The following DOCK9 variants were observed in gnomAD, a reference collection of about 807,000 sequenced individuals.
The protein encoded by DOCK9 is dedicator of cytokinesis 9, also known as dedicator of cytokinesis protein 9.
Under a neutral mutation model 263.3 loss-of-function variants are expected in DOCK9, and 89 were observed. That is an observed-to-expected ratio of 0.34 (90% CI 0.28 to 0.40). The LOEUF (loss-of-function observed/expected upper bound fraction) is 0.40. Ranked by LOEUF, DOCK9 falls within the 10% of genes least tolerant of loss-of-function variation. The probability of loss-of-function intolerance (pLI) is 1.00; values close to 1 mark genes in which losing one functional copy is unlikely to be tolerated. For missense variants in DOCK9, 2,140 were observed against 2,603.4 expected (o/e 0.82, Z 3.87); for synonymous variants, 976 against 973.1 (o/e 1.00, Z -0.06).
chr13:98,877,944 T>C (rs561499848), intron 27 of DOCK9, among the ~76,000 whole-genome samples: 62 of 152,350 alleles, frequency 4.1e-4, no homozygotes, highest in African/African-American at 1.4e-3. Flanking sequence ...CGTCATGGGC[T>C]GACCTGTGCC....
chr13:98,883,304 G>T (rs543849355), intron 22 of DOCK9, among the ~76,000 whole-genome samples, 173 bp from the exon 23 acceptor site: 177 of 152,242 alleles, frequency 1.2e-3, no homozygotes, highest in African/African-American at 4.2e-3. Flanking sequence ...CTGGGGTGCA[G>T]TGACATGACC....
intron 45 of DOCK9, among the ~76,000 whole-genome samples, chr13:98,814,507 G>C (rs1412501553): frequency 1.3e-5 from 2 of 150,378 alleles, no homozygotes; most frequent in African/African-American, 2.4e-5. Context: ...CCGGATTCAA[G>C]TGATTCTCCT....
At chr13:98,840,522 G>A (rs1339859031) in intron 38 of DOCK9, among the ~76,000 whole-genome samples, 1 of 152,154 alleles carries the variant, frequency 6.6e-6, no homozygotes, top group Non-Finnish European at 1.5e-5. Flanking sequence ...CAAATACTCT[G>A]GGGCCACAGA....
At chr13:98,902,943 T>A (rs1595146819) in intron 11 of DOCK9, 29 bp downstream of exon 11, 2 of 1,459,118 alleles carry the variant, frequency 1.4e-6, no homozygotes, top group South Asian at 1.4e-5. Flanking sequence ...ATTTTTTTTT[T>A]AATGTTTATT....
intron 33 of DOCK9, chr13:98,857,703 T>C (rs2141755736): frequency 6.6e-6 from 1 of 152,272 alleles, no homozygotes; most frequent in South Asian, 2.1e-4. Context: ...TGATTCAGTG[T>C]ATTAAAGATC....
intron 9 of DOCK9, among the ~76,000 whole-genome samples, chr13:98,907,445 A>G (rs2049288505): frequency 6.6e-6 from 1 of 152,168 alleles, no homozygotes; most frequent in African/African-American, 2.4e-5. Flanking sequence ...AATAACTGCT[A>G]ATGAGCTCGG....
chr13:98,921,890 T>A (rs1327771751), intron 6 of DOCK9, among the ~76,000 whole-genome samples, 161 bp downstream of exon 6: 5 of 152,188 alleles, frequency 3.3e-5, no homozygotes, highest in Non-Finnish European at 7.3e-5. Flanking sequence ...TGGATGAGGC[T>A]GTGCCAATGG....
chr13:98,800,506 G>A (rs1443990656), intron 49 of DOCK9, 28 bp from the exon 50 acceptor site: 1 of 1,603,226 alleles, frequency 6.2e-7, no homozygotes, highest in Non-Finnish European at 8.5e-7. Context: ...CAGAATTACT[G>A]CATGGCTTGC....
intron 1 of DOCK9, among the ~76,000 whole-genome samples, chr13:99,021,448 G>A (rs1305229262): frequency 1.3e-5 from 2 of 152,072 alleles, no homozygotes; most frequent in East Asian, 1.9e-4. Flanking sequence ...GACCATCCTG[G>A]CTAACACGGT....
intron 1 of DOCK9, among the ~76,000 whole-genome samples, chr13:99,011,054 G>A (rs1884391399): frequency 6.6e-6 from 1 of 152,032 alleles, no homozygotes; most frequent in Non-Finnish European, 1.5e-5. Flanking sequence ...GTGCCACCAT[G>A]CCCGGCTAAT....
rs555338251 is a variant in DOCK9, at chr13:99,086,181, C to A, written c.129+42G>T. ...GGCCCGGGGCCCGCAGCTGCCTGCG[C>A]CCCCGCCATCCTCCCCCGGCCCGCG... On this transcript the variant is annotated intron_variant, in intron 1 of 32. Transcript: ENST00000427887. The A allele has an allele frequency of 1.7e-4, 243 of 1,458,076 alleles. No homozygotes were observed. The African/African-American group carries it at 3.2e-3, about 19-fold the overall frequency. The allele number at this position is 1,458,076 out of a possible 1,614,324, so 90.3% of individuals were successfully genotyped here. A position where few individuals can be genotyped will look rare whatever the true frequency, so the allele number is the denominator to read the frequency against.
At chr13:98,885,563 C>A in intron 20 of DOCK9, 145 bp downstream of exon 20, 3 of 805,658 alleles carry the variant, frequency 3.7e-6, no homozygotes, top group Non-Finnish European at 5.4e-6. Flanking sequence ...ATTACATATG[C>A]AACCCAGACA....
intron 35 of DOCK9, 147 bp from the exon 36 acceptor site, chr13:98,850,260 A>G: frequency 1.8e-6 from 1 of 546,700 alleles, no homozygotes; most frequent in Admixed American, 3.7e-5. Context: ...GCCCTCTTTT[A>G]TAGCTGACCA....
intron 1 of DOCK9, among the ~76,000 whole-genome samples, chr13:98,961,929 A>T (rs1158422371): frequency 3.3e-5 from 5 of 152,220 alleles, no homozygotes; most frequent in Admixed American, 1.3e-4. Flanking sequence ...ACTTGGCGGT[A>T]TGTAAGATTA....
At chr13:99,086,293 A>T (rs2042339358) in exon 1 of DOCK9, 2 of 1,491,072 alleles carry the variant, frequency 1.3e-6, no homozygotes, top group Non-Finnish European at 8.9e-7. Flanking sequence ...CGGCTTACTC[A>T]GCGCCCGGGT....
chr13:98,895,042 A>G (rs544846389), intron 15 of DOCK9, among the ~76,000 whole-genome samples: 2 of 148,350 alleles, frequency 1.3e-5, no homozygotes, highest in South Asian at 4.3e-4. Flanking sequence ...GCTACTCAGG[A>G]GGCTGAGGCA....
Position 98,825,311 on chromosome 13 carries a change from T to C in DOCK9, c.5024-807A>G, listed in dbSNP as rs1246336091. On this transcript the variant is annotated intron_variant, in intron 44 of 52. Coordinates refer to ENST00000682017, the MANE Select transcript of DOCK9 (RefSeq NM_001366683.2). The surrounding 1 kb of genome is among the most constrained non-coding windows in gnomAD (Gnocchi z 4.1). The stretch of plus-strand genomic sequence containing the variant: ...AAGGGCATGAGATGTTCCACTACTC[T>C]ATTTTGAGATAACTGTTCACAATAA... Among the ~76,000 whole-genome samples the C allele has an allele frequency of 6.6e-6, 1 of 152,256 alleles. No homozygotes were observed. The highest frequency in any genetic ancestry group is 1.5e-5 in the Non-Finnish European group (1 of 68,040).
chr13:98,986,108 T>C (rs1464667319), intron 1 of DOCK9, among the ~76,000 whole-genome samples: 1 of 152,236 alleles, frequency 6.6e-6, no homozygotes, highest in Non-Finnish European at 1.5e-5. Context: ...AAAAGACAAA[T>C]GTTCTTTTGT....
Position 98,968,280 on chromosome 13 carries a change from A to G in DOCK9, c.126+9504T>C, listed in dbSNP as rs540263234. ...AATACTGGGTTAAAATTATATTACT[A>G]AAATTAGTTACACCTTTTTCTTTTT... On this transcript the variant is annotated intron_variant, in intron 1 of 52. Coordinates refer to ENST00000682017, the MANE Select transcript of DOCK9 (RefSeq NM_001366683.2). Among the ~76,000 whole-genome samples, 6 of 152,338 alleles carry G rather than the reference A, an allele frequency of 3.9e-5. No homozygotes were observed. The South Asian group carries it at 1.0e-3, about 26-fold the overall frequency.
Sources: allele counts gnomAD v4.1 joint callset (sites outside exome capture counted in the v4.1 genomes callset), GRCh38; gene constraint gnomAD v4.1.1; non-coding constraint Gnocchi (gnomAD v3.1); transcripts MANE v1.5; gene names NCBI Gene and HGNC (gene_info 2026-07-23, HGNC 2026-07-21).